The following UBAP2 variants were observed in gnomAD, a reference collection of about 807,000 sequenced individuals.
UBAP2 encodes the protein ubiquitin-associated protein 2.
In UBAP2, 75 loss-of-function variants were observed where a neutral mutation model predicts 139.6. The observed-to-expected ratio is 0.54, with a 90% CI of 0.45 to 0.65. UBAP2 has a LOEUF of 0.65. Ranked by LOEUF, UBAP2 falls within the 30% of genes least tolerant of loss-of-function variation. The pLI is 0.00. For synonymous variants in UBAP2, 526 were observed against 526.2 expected, an observed-to-expected ratio of 1.00 and a Z score of 0.01; for missense variants, 1,368 against 1,369.6, an observed-to-expected ratio of 1.00 and a Z score of 0.02.
intron 1 of UBAP2, among the ~76,000 whole-genome samples, chr9:34,045,521 G>A (rs1390591774): frequency 1.3e-5 from 2 of 151,824 alleles, no homozygotes; most frequent in East Asian, 1.9e-4. Context: ...CTACAGGCAC[G>A]CGCCACCACA....
intron 1 of UBAP2, among the ~76,000 whole-genome samples, chr9:34,033,925 G>A (rs973314156): frequency 1.3e-5 from 2 of 151,784 alleles, no homozygotes; most frequent in Middle Eastern, 3.2e-3. Context: ...TAGTAGAGAC[G>A]GGGTTTCGTC....
chr9:34,045,324 C>T (rs868573997), intron 1 of UBAP2, among the ~76,000 whole-genome samples: 3 of 143,702 alleles, frequency 2.1e-5, no homozygotes, highest in Admixed American at 7.0e-5. Flanking sequence ...CCAATTTGGG[C>T]AACAGTGAGA....
At chr9:33,926,881 A>T in intron 21 of UBAP2, 108 bp downstream of exon 21, 4 of 1,151,470 alleles carry the variant, frequency 3.5e-6, no homozygotes, top group African/African-American at 1.5e-5. Flanking sequence ...TCAGGGATGG[A>T]AGGGCAGCTC....
chr9:33,949,717 G>A (rs1337605373), intron 12 of UBAP2, among the ~76,000 whole-genome samples: 7 of 152,038 alleles, frequency 4.6e-5, no homozygotes, highest in Non-Finnish European at 7.4e-5. Flanking sequence ...GTGTGTGTGC[G>A]CGCATGCACG....
At chr9:34,042,130 G>A (rs975998505) in intron 1 of UBAP2, among the ~76,000 whole-genome samples, 1 of 151,996 alleles carries the variant, frequency 6.6e-6, no homozygotes, top group Non-Finnish European at 1.5e-5. Context: ...CTGAAAATGG[G>A]CACTATTAAA....
Position 33,924,202 on chromosome 9 carries a change from T to A in UBAP2, c.2590+4A>T, listed in dbSNP as rs1177030648. 1 of 1,614,032 alleles carries A rather than the reference T, an allele frequency of 6.2e-7. No homozygotes were observed. Among genetic ancestry groups the A allele is most frequent in the South Asian group, 1.1e-5 (1 of 91,072 alleles). On this transcript the variant is annotated splice_donor_region_variant and intron_variant, in intron 23 of 28. Transcript: ENST00000379238. ...GCTACTCCTCATCCATTGAGCAAAC[T>A]CACCTGGATATGGATTATTAGCTAG...
intron 16 of UBAP2, among the ~76,000 whole-genome samples, chr9:33,941,209 T>C (rs775549504): frequency 6.6e-6 from 1 of 152,232 alleles, no homozygotes; most frequent in Admixed American, 6.5e-5. Flanking sequence ...AAAATAGATC[T>C]GGTTCCTTTA....
chr9:33,942,012 G>A, intron 15 of UBAP2, 150 bp from the exon 16 acceptor site: 1 of 629,698 alleles, frequency 1.6e-6, no homozygotes, highest in East Asian at 2.8e-5. Flanking sequence ...GAGATAGGGG[G>A]ACATCTTTAA....
At chr9:33,982,183 C>T (rs1820823732) in intron 6 of UBAP2, among the ~76,000 whole-genome samples, 1 of 152,132 alleles carries the variant, frequency 6.6e-6, no homozygotes. Context: ...CCTCTTTCAC[C>T]CAAGCTGTCA....
chr9:34,003,975 C>T (rs1279265611), intron 2 of UBAP2, among the ~76,000 whole-genome samples: 5 of 152,160 alleles, frequency 3.3e-5, no homozygotes, highest in Non-Finnish European at 5.9e-5. Flanking sequence ...CCACCTCGGC[C>T]TCCCAAAGTG....
chr9:33,956,219 T>C, intron 10 of UBAP2, 73 bp from the exon 11 acceptor site: 2 of 1,111,060 alleles, frequency 1.8e-6, no homozygotes, highest in Non-Finnish European at 2.7e-6. Context: ...TCCTGATCAT[T>C]TGTAGTCATC....
Position 33,923,929 on chromosome 9 carries a change from G to T in UBAP2, c.2662C>A (p.Gln888Lys). 6.2e-7 allele frequency: 1 copy of T among 1,614,222 alleles called. No individual in the cohort carries two copies. The highest frequency in any genetic ancestry group is 1.1e-5 in the South Asian group (1 of 91,090). ...APATTPAQPQ[Q>K]SQSQTHHTAQ... The stretch of plus-strand genomic sequence containing the variant: ...GTGTGGTGGGTCTGTGATTGGCTCT[G>T]CTGTGGCTGAGCTGGTGTGGTAGCG... Residue 888 changes from glutamine (Q) to lysine (K), a missense_variant, in exon 24 of 29, where the codon CAG becomes AAG. By Grantham distance (53) the Gln-to-Lys change is moderately conservative (BLOSUM62 1). Transcript: ENST00000379238.
chr9:33,981,863 A>G (rs975139242), intron 6 of UBAP2, among the ~76,000 whole-genome samples: 1 of 150,852 alleles, frequency 6.6e-6, no homozygotes, highest in African/African-American at 2.4e-5. Context: ...GAGGGAAGGA[A>G]GGAAGGAAGG....
At chr9:33,978,067 T>C (rs1297455421) in intron 6 of UBAP2, among the ~76,000 whole-genome samples, 1 of 149,154 alleles carries the variant, frequency 6.7e-6, no homozygotes, top group Non-Finnish European at 1.5e-5. Flanking sequence ...TTCATAAATA[T>C]GGAGTCTTTC....
chr9:33,948,614 T>C, intron 12 of UBAP2, 27 bp from the exon 13 acceptor site: 1 of 1,596,328 alleles, frequency 6.3e-7, no homozygotes, highest in Non-Finnish European at 8.6e-7. Flanking sequence ...AAAGAACAAA[T>C]CCTCAACAAT....
rs1394909032 is a variant in UBAP2, at chr9:34,046,259, T to C, written c.-42+2566A>G. On this transcript the variant is annotated intron_variant, in intron 1 of 28. Coordinates refer to ENST00000379238, the MANE Select transcript of UBAP2 (RefSeq NM_001370062.2). ...ACCCCCACCCCCCAACCCCACAAAGTGTCTTATTAACAAAGGAAATCTTAA... is the reference window on the plus strand; with the variant it reads ...ACCCCCACCCCCCAACCCCACAAAGCGTCTTATTAACAAAGGAAATCTTAA... Among the ~76,000 whole-genome samples the C allele has an allele frequency of 4.0e-5, 4 of 99,976 alleles. No individual in the cohort carries two copies. In the Admixed American group the frequency reaches 5.4e-4, roughly 13 times the overall value. 65.6% of individuals were successfully genotyped at this position (99,976 alleles called of 152,430 possible).
chr9:33,982,875 T>C (rs1490193996), intron 6 of UBAP2, among the ~76,000 whole-genome samples: 1 of 150,614 alleles, frequency 6.6e-6, no homozygotes, highest in African/African-American at 2.4e-5. Context: ...GTGGTGTTTT[T>C]TTTTGTTTTT....
At chr9:33,953,599 T>C (rs1267456675) in intron 11 of UBAP2, 125 bp from the exon 12 acceptor site, 3 of 1,047,928 alleles carry the variant, frequency 2.9e-6, no homozygotes, top group African/African-American at 3.2e-5. Flanking sequence ...CTTTGGAAAA[T>C]GGGGTTTAAG....
intron 2 of UBAP2, among the ~76,000 whole-genome samples, chr9:34,003,944 T>C (rs1822953073): frequency 6.6e-6 from 1 of 151,906 alleles, no homozygotes; most frequent in Admixed American, 6.6e-5. Flanking sequence ...GGTCTCAAAC[T>C]CCTGACCTCA....
Sources: allele counts gnomAD v4.1 joint callset (sites outside exome capture counted in the v4.1 genomes callset), GRCh38; gene constraint gnomAD v4.1.1; transcripts MANE v1.5; gene names NCBI Gene and HGNC (gene_info 2026-07-23, HGNC 2026-07-21).